Variants in LRIF1 observed in about 807,000 individuals in gnomAD.
The protein encoded by LRIF1 is ligand-dependent nuclear receptor-interacting factor 1.
Under a neutral mutation model 52.7 loss-of-function variants are expected in LRIF1, and 32 were observed. The ratio of observed to expected loss-of-function variants is 0.61; its 90% confidence interval spans 0.46 to 0.82. The LOEUF (loss-of-function observed/expected upper bound fraction) is 0.82, where lower values mean the gene tolerates loss of function less well. LRIF1 is among the 40% of genes least tolerant of loss of function. The pLI is 0.00. For synonymous variants in LRIF1, 323 were observed against 317.4 expected (o/e 1.02, Z -0.19); for missense variants, 887 against 892.0 (o/e 0.99, Z 0.07).
chr1:110,931,864 C>A, the LRIF1 span, among the ~76,000 whole-genome samples: 7 of 151,364 alleles, frequency 4.6e-5, no homozygotes, highest in South Asian at 1.3e-3. Flanking sequence ...TGTTTAAGTT[C>A]TTTGTATATT....
the LRIF1 span, among the ~76,000 whole-genome samples, chr1:110,906,253 TAA>T: frequency 6.6e-6 from 1 of 152,108 alleles, no homozygotes; most frequent in East Asian, 1.9e-4. Context: ...AAACATAAAA[TAA>T]AAAAGAGACA....
chr1:110,952,363 ACAGT>A lies in LRIF1; in HGVS notation c.517_520del (p.Thr173Ter). On this transcript the variant is annotated frameshift_variant, in exon 2 of 4. Transcript: ENST00000369763. LOFTEE classifies it high-confidence loss of function. ...CCCAGAAGGCAAAACTGGAGACTTCACAGTCACTGGAAGACTCTGGGTATTAACT... is the reference window on the plus strand; with the variant it reads ...CCCAGAAGGCAAAACTGGAGACTTCACACTGGAAGACTCTGGGTATTAACT... 5 of 1,614,138 alleles carry A rather than the reference ACAGT, an allele frequency of 3.1e-6. No individual in the cohort carries two copies. The highest frequency in any genetic ancestry group is 4.2e-6 in the Non-Finnish European group (5 of 1,179,950).
At chr1:110,920,609 A>T in the LRIF1 span, among the ~76,000 whole-genome samples, 2 of 152,188 alleles carry the variant, frequency 1.3e-5, no homozygotes, top group African/African-American at 4.8e-5. Context: ...ACAATGGTAG[A>T]TACGTGTCAT....
chr1:110,894,992 C>T, the LRIF1 span: 1 of 1,614,052 alleles, frequency 6.2e-7, no homozygotes, highest in Non-Finnish European at 8.5e-7. Context: ...GTCTGACCGA[C>T]AGCATCCACC....
chr1:110,958,586 A>G (rs1232761510), intron 1 of LRIF1, among the ~76,000 whole-genome samples: 2 of 152,142 alleles, frequency 1.3e-5, no homozygotes, highest in African/African-American at 4.8e-5. Context: ...CTGCTTTATA[A>G]AAAAAACTAT....
the LRIF1 span, among the ~76,000 whole-genome samples, chr1:110,889,693 G>C: frequency 1.3e-5 from 2 of 152,166 alleles, no homozygotes; most frequent in Non-Finnish European, 2.9e-5. Flanking sequence ...TAAGGGATAA[G>C]TGTTGGCCCG....
chr1:110,893,194 G>T, the LRIF1 span, among the ~76,000 whole-genome samples: 97,071 of 152,150 alleles, frequency 0.64, 33,105 homozygotes, highest in Non-Finnish European at 0.77. Context: ...ACAGAGCTTG[G>T]TGTAACAGTG....
the LRIF1 span, chr1:110,892,526 TTA>T: frequency 3.1e-6 from 5 of 1,613,344 alleles, no homozygotes; most frequent in African/African-American, 1.3e-5. Context: ...AAGTGTCTGC[TTA>T]TGTCGGTGAG....
the LRIF1 span, among the ~76,000 whole-genome samples, chr1:110,888,345 T>G: frequency 6.6e-6 from 1 of 152,204 alleles, no homozygotes; most frequent in Admixed American, 6.5e-5. Flanking sequence ...CTGTAAACCC[T>G]AGCTGCCTTG....
chr1:110,923,360 G>GA, the LRIF1 span, among the ~76,000 whole-genome samples: 3 of 152,056 alleles, frequency 2.0e-5, no homozygotes, highest in Admixed American at 6.6e-5. Context: ...TACCATGTAA[G>GA]AAAAAATATT....
the LRIF1 span, chr1:110,899,235 C>A: frequency 1.4e-6 from 2 of 1,451,228 alleles, no homozygotes; most frequent in African/African-American, 1.4e-5. Flanking sequence ...GTTTCATCTC[C>A]GGAAATGCAA....
the LRIF1 span, chr1:110,937,682 A>G: frequency 6.6e-6 from 1 of 152,142 alleles, no homozygotes; most frequent in Non-Finnish European, 1.5e-5. Context: ...GAAAAGCAAG[A>G]GCAAACCTCA....
In LRIF1 at chr1:110,949,944, G is replaced by A. The variant is rs1191832879; in HGVS notation, c.1776C>T (p.Thr592=). ...VCLTRIPDHL[T]SGEGFDSFSS... ...TAAAGGAATCGAAACCTTCTCCAGA[G>A]GTCAAATGGTCAGGAATTCGAGTAA... Residue 592 remains threonine, a synonymous_variant, in exon 3 of 4, where the codon ACC becomes ACT. Transcript: ENST00000369763. The A allele has an allele frequency of 1.2e-6, 2 of 1,614,108 alleles. No homozygotes were observed. Among genetic ancestry groups the A allele is most frequent in the Non-Finnish European group, 1.7e-6 (2 of 1,180,010 alleles).
At chr1:110,904,951 AAAG>A in the LRIF1 span, among the ~76,000 whole-genome samples, 78 of 152,364 alleles carry the variant, frequency 5.1e-4, no homozygotes, top group Middle Eastern at 3.4e-3. Context: ...AAATAATTAA[AAAG>A]AATCAAATTC....
At chr1:110,896,000 A>T in the LRIF1 span, among the ~76,000 whole-genome samples, 14 of 152,328 alleles carry the variant, frequency 9.2e-5, no homozygotes, top group Non-Finnish European at 1.3e-4. Context: ...AAAAAATTTT[A>T]ATTGACTTGT....
intron 3 of LRIF1, among the ~76,000 whole-genome samples, chr1:110,949,340 G>C (rs370599375): frequency 6.6e-6 from 1 of 151,224 alleles, no homozygotes; most frequent in Non-Finnish European, 1.5e-5. Context: ...AGATGGTCTC[G>C]ATCTCTTGAC....
chr1:110,902,589 C>G, the LRIF1 span, among the ~76,000 whole-genome samples: 9 of 140,496 alleles, frequency 6.4e-5, no homozygotes, highest in African/African-American at 2.4e-4. Flanking sequence ...GCATTAAAAA[C>G]AGTGATCTCG....
the LRIF1 span, among the ~76,000 whole-genome samples, chr1:110,891,983 A>G: frequency 0.01 from 1,525 of 152,362 alleles, 11 homozygotes; most frequent in Non-Finnish European, 0.014. Context: ...GAGCTTCCTC[A>G]AGCAGGGCAT....
At chr1:110,939,331 TCG>T in the LRIF1 span, 1 of 135,010 alleles carries the variant, frequency 7.4e-6, no homozygotes, top group Non-Finnish European at 1.5e-5. Flanking sequence ...TGAGCCGAGA[TCG>T]CGCCACTGCA....
Sources: gnomAD v4.1 joint callset for allele counts (sites outside exome capture counted in the v4.1 genomes callset) on GRCh38, gnomAD v4.1.1 for gene constraint, MANE v1.5 for transcripts, NCBI Gene and HGNC (gene_info 2026-07-23, HGNC 2026-07-21) for gene names.